ZNF154: variants seen among roughly 807,000 people sequenced by gnomAD.
ZNF154 encodes the protein zinc finger protein 154, also known as zinc finger protein 154 (pHZ-92).
In ZNF154, 6 loss-of-function variants were observed where a neutral mutation model predicts 7.5. That is an observed-to-expected ratio of 0.80 (90% CI 0.44 to 1.57). The LOEUF (loss-of-function observed/expected upper bound fraction) is 1.57. ZNF154 is among the 40% of genes most tolerant of loss of function. The pLI is 0.01. For synonymous variants in ZNF154, 187 were observed against 185.9 expected (o/e 1.01, Z -0.05); for missense variants, 485 against 531.4 (o/e 0.91, Z 0.86).
intron 2 of ZNF154, 135 bp downstream of exon 2, chr19:57,704,718 A>G (rs878883302): frequency 7.9e-6 from 10 of 1,259,204 alleles, no homozygotes; most frequent in East Asian, 2.5e-5. Context: ...AGTCTTACCA[A>G]TGACAGAACT....
chr19:57,706,744 C>T (rs1773628533), intron 1 of ZNF154, among the ~76,000 whole-genome samples: 1 of 152,212 alleles, frequency 6.6e-6, no homozygotes, highest in Admixed American at 6.5e-5. Context: ...CCCACTTATC[C>T]AACCAAAAGG....
At chr19:57,707,322 T>G (rs1216802677) in intron 1 of ZNF154, among the ~76,000 whole-genome samples, 1 of 152,166 alleles carries the variant, frequency 6.6e-6, no homozygotes, top group Admixed American at 6.5e-5. Flanking sequence ...AAGCTCCTGT[T>G]GTCTCCAGTG....
At chr19:57,704,772 GAGA>G (rs1985315782) in intron 2 of ZNF154, 78 bp downstream of exon 2, 5 of 1,531,384 alleles carry the variant, frequency 3.3e-6, no homozygotes, top group Non-Finnish European at 3.5e-6. Flanking sequence ...GTCTTGTCAT[GAGA>G]AGGACAGACC....
rs34109195 is a variant in ZNF154 at position 57,701,162 on chromosome 19, G to GAA, written c.*471_*472dup. The GAA allele has an allele frequency of 4.8e-3, 727 of 150,150 alleles. 2 individuals are homozygous for GAA. Among genetic ancestry groups the GAA allele is most frequent in the East Asian group, 0.017 (93 of 5,352 alleles). The allele number at this position is 150,150 out of a possible 1,614,324, so 9.3% of individuals were successfully genotyped here. A position where few individuals can be genotyped will look rare whatever the true frequency, so the allele number is the denominator to read the frequency against. On this transcript the variant is annotated 3_prime_UTR_variant, in exon 3 of 3. Coordinates refer to ENST00000684351, the MANE Select transcript of ZNF154 (RefSeq NM_001085384.3). ...GTCCATGGCCTAACTCATCAGAAAG[G>GAA]AAAAAAAAAAAACGGAATAAATGCT...
chr19:57,708,788 GTCA>G, intron 1 of ZNF154, 148 bp downstream of exon 1: 1 of 1,037,126 alleles, frequency 9.6e-7, no homozygotes, highest in Non-Finnish European at 1.4e-6. Context: ...CCCACACCTC[GTCA>G]CACGCAGTGT....
At chr19:57,706,040 G>T (rs879747633) in intron 1 of ZNF154, among the ~76,000 whole-genome samples, 4 of 152,140 alleles carry the variant, frequency 2.6e-5, no homozygotes, top group African/African-American at 2.4e-5. Flanking sequence ...GATTAAAAGG[G>T]TTGTCTGTTT....
chr19:57,705,049 A>G, intron 1 of ZNF154, 70 bp from the exon 2 acceptor site: 1 of 1,526,356 alleles, frequency 6.6e-7, no homozygotes, highest in East Asian at 2.3e-5. Context: ...ATACCCCCAC[A>G]TCTTTACCCC....
chr19:57,702,375 G>A lies in ZNF154; in HGVS notation c.574C>T (p.Arg192Ter), dbSNP rs74939505. The A allele has an allele frequency of 0.011, 17,608 of 1,612,518 alleles. 106 individuals carry two copies. Among genetic ancestry groups the A allele is most frequent in the Non-Finnish European group, 0.012 (14,705 of 1,178,878 alleles). ...LHTGEKPYEC[R>*]ECGKSFRQSS... is the part of the protein sequence containing the mutation. Reference sequence around the variant, plus strand: ...TGCCTAAAGGACTTCCCACACTCTCGACATTCATAAGGCTTTTCTCCAGTG... The same window carrying A: ...TGCCTAAAGGACTTCCCACACTCTCAACATTCATAAGGCTTTTCTCCAGTG... Residue 192 changes from arginine (R) to a stop codon, truncating the protein, a stop_gained, in exon 3 of 3, where the codon CGA becomes TGA. Transcript: ENST00000684351. LOFTEE classifies it low-confidence loss of function (END_TRUNC).
At chr19:57,703,440 G>T in intron 2 of ZNF154, among the ~76,000 whole-genome samples, 1 of 127,536 alleles carries the variant, frequency 7.8e-6, no homozygotes, top group East Asian at 2.4e-4. Flanking sequence ...AGCCAAGATT[G>T]CACCACTGTA....
intron 1 of ZNF154, among the ~76,000 whole-genome samples, chr19:57,707,757 G>C (rs1387733322): frequency 1.3e-5 from 2 of 152,146 alleles, no homozygotes; most frequent in Non-Finnish European, 2.9e-5. Flanking sequence ...TCTCAGCTTA[G>C]TTTTACTAAG....
intron 2 of ZNF154, among the ~76,000 whole-genome samples, chr19:57,703,314 C>T (rs564502195): frequency 3.3e-5 from 5 of 151,758 alleles, no homozygotes; most frequent in Admixed American, 2.0e-4. Flanking sequence ...GGTGAAACCC[C>T]GTCTCTACTA....
At position 57,702,007 on chromosome 19, in the gene ZNF154, A is replaced by G. The variant is rs373574477; in HGVS notation, c.942T>C (p.Ser314=). The change falls in exon 3 of 3, where the codon TCT becomes TCC. Residue 314 remains serine (S), a synonymous_variant. Transcript: ENST00000684351. ...SECGKSFSQN[S]SLIEHHRVHT... ...GAACCCTATGGTGTTCAATGAGGCTAGAGTTTTGGCTAAATGACTTCCCAC... is the reference window on the plus strand; with the variant it reads ...GAACCCTATGGTGTTCAATGAGGCTGGAGTTTTGGCTAAATGACTTCCCAC... 29 of 1,612,850 alleles carry G rather than the reference A, an allele frequency of 1.8e-5. No homozygotes were observed. The Admixed American group carries it at 3.2e-4, about 18-fold the overall frequency.
Position 57,709,154 on chromosome 19 carries a change from G to T in ZNF154, c.-183C>A. The stretch of plus-strand genomic sequence containing the variant: ...CTTCGTGGCCCCAACTCGGCGCTCT[G>T]CTATCTCTGATCCGGTGAACACACC... On this transcript the variant is annotated 5_prime_UTR_variant, in exon 1 of 3. Coordinates refer to ENST00000684351, the MANE Select transcript of ZNF154 (RefSeq NM_001085384.3). The T allele has an allele frequency of 1.3e-6, 1 of 743,792 alleles. No individual in the cohort carries two copies. Among genetic ancestry groups the T allele is most frequent in the Non-Finnish European group, 2.2e-6 (1 of 451,166 alleles). The allele number at this position is 743,792 out of a possible 1,614,324, so 46.1% of individuals were successfully genotyped here.
At chr19:57,708,905 A>G in intron 1 of ZNF154, 34 bp downstream of exon 1, 1 of 1,555,304 alleles carries the variant, frequency 6.4e-7, no homozygotes, top group Non-Finnish European at 8.7e-7. Flanking sequence ...TGGGTGGGGG[A>G]AGGTGTGTGA....
In ZNF154 at chr19:57,700,344, A is replaced by T. The variant is rs1985072572; in HGVS notation, c.*1291T>A. 1.3e-5 allele frequency: 2 copies of T among 152,126 alleles called. No individual in the cohort carries two copies. The highest frequency in any genetic ancestry group is 1.3e-4 in the Admixed American group (2 of 15,278). 9.4% of individuals were successfully genotyped at this position (152,126 alleles called of 1,614,324 possible). A position where few individuals can be genotyped will look rare whatever the true frequency, so the allele number is the denominator to read the frequency against. ...GGATTCCATAAAATTTCTGACAATGACCTCAGCTACACAAGATACACAATT... is the reference window on the plus strand; with the variant it reads ...GGATTCCATAAAATTTCTGACAATGTCCTCAGCTACACAAGATACACAATT... On this transcript the variant is annotated 3_prime_UTR_variant, in exon 3 of 3. Coordinates refer to ENST00000684351, the MANE Select transcript of ZNF154 (RefSeq NM_001085384.3).
rs372441895 is a variant in ZNF154 at position 57,702,677 on chromosome 19, C to A, written c.272G>T (p.Cys91Phe). ...TFHVSGEPST[C>F]REVGKDFLAK... ...CAGGAAGTCCTTCCCAACTTCTCTG[C>A]AGGTGGAAGGCTCCCCTGACACATG... Residue 91 changes from cysteine to phenylalanine, a missense_variant, in exon 3 of 3, where the codon TGC (cysteine) becomes TTC (phenylalanine). Coordinates refer to ENST00000684351, the MANE Select transcript of ZNF154 (RefSeq NM_001085384.3). 6.9e-5 allele frequency: 111 copies of A among 1,614,030 alleles called. No individual in the cohort carries two copies. The East Asian group carries it at 2.2e-3, about 33-fold the overall frequency.
chr19:57,705,733 G>A (rs953655265), intron 1 of ZNF154, among the ~76,000 whole-genome samples: 2 of 146,270 alleles, frequency 1.4e-5, no homozygotes, highest in Admixed American at 7.1e-5. Flanking sequence ...CAGTCTGGGC[G>A]ACAGAGCGAG....
chr19:57,705,046 C>T, intron 1 of ZNF154, 67 bp from the exon 2 acceptor site: 1 of 1,542,688 alleles, frequency 6.5e-7, no homozygotes. Flanking sequence ...TGCATACCCC[C>T]ACATCTTTAC....
intron 1 of ZNF154, among the ~76,000 whole-genome samples, chr19:57,706,100 C>T (rs1220824830): frequency 6.6e-6 from 1 of 152,136 alleles, no homozygotes; most frequent in Non-Finnish European, 1.5e-5. Context: ...TGATGCCACC[C>T]TGATTTCACC....
Sources: gnomAD v4.1 joint callset for allele counts (sites outside exome capture counted in the v4.1 genomes callset) on GRCh38, gnomAD v4.1.1 for gene constraint, MANE v1.5 for transcripts, NCBI Gene and HGNC (gene_info 2026-07-23, HGNC 2026-07-21) for gene names.